The following PKIA variants were observed in gnomAD, a reference collection of about 807,000 sequenced individuals.
The protein encoded by PKIA is PKI-alpha.
PKIA carries 4 observed loss-of-function variants against 7.6 expected under a neutral mutation model. The ratio of observed to expected loss-of-function variants is 0.52; its 90% CI spans 0.26 to 1.20. The LOEUF (loss-of-function observed/expected upper bound fraction) is 1.20. Ranked by LOEUF, PKIA falls within the 50% of genes most tolerant of loss-of-function variation. The pLI is 0.13. For synonymous variants in PKIA, 21 were observed against 30.7 expected (o/e 0.68, Z 1.04); for missense variants, 73 against 86.2 (o/e 0.85, Z 0.61).
At chr8:78,577,212 C>T (rs1281278866) in intron 2 of PKIA, among the ~76,000 whole-genome samples, 3 of 151,840 alleles carry the variant, frequency 2.0e-5, no homozygotes, top group Non-Finnish European at 4.4e-5. Flanking sequence ...CCCATTAACT[C>T]GTCATTTACA....
chr8:78,550,846 T>C (rs779976020), intron 1 of PKIA, among the ~76,000 whole-genome samples: 2 of 152,022 alleles, frequency 1.3e-5, no homozygotes, highest in African/African-American at 2.4e-5. Context: ...CCAAAGTTCA[T>C]TGTATCATTC....
intron 1 of PKIA, among the ~76,000 whole-genome samples, chr8:78,547,015 C>T (rs1038034601): frequency 6.6e-6 from 1 of 152,120 alleles, no homozygotes. Context: ...GAGGATCTTA[C>T]TGTCTAGTTA....
At chr8:78,575,143 A>G (rs1450044978) in intron 2 of PKIA, among the ~76,000 whole-genome samples, 1 of 151,982 alleles carries the variant, frequency 6.6e-6, no homozygotes, top group Non-Finnish European at 1.5e-5. Context: ...ATGCAAAGTA[A>G]TGCATGCAAA....
chr8:78,562,561 C>T (rs1807310241), intron 1 of PKIA, among the ~76,000 whole-genome samples: 1 of 152,118 alleles, frequency 6.6e-6, no homozygotes, highest in South Asian at 2.1e-4. Flanking sequence ...TTTTCAAGTC[C>T]TGGGATGCAG....
intron 1 of PKIA, among the ~76,000 whole-genome samples, chr8:78,523,671 C>A (rs546262261): frequency 1.3e-5 from 2 of 151,566 alleles, no homozygotes; most frequent in Non-Finnish European, 2.9e-5. Context: ...AATGTTAAGA[C>A]CCCTTTTCCA....
At chr8:78,549,214 G>A (rs1285510878) in intron 1 of PKIA, among the ~76,000 whole-genome samples, 1 of 151,982 alleles carries the variant, frequency 6.6e-6, no homozygotes, top group East Asian at 1.9e-4. Context: ...AGCAGGAAAA[G>A]ATAAAGTCAT....
At chr8:78,600,863 T>A (rs1463367977) in intron 3 of PKIA, among the ~76,000 whole-genome samples, 1 of 152,056 alleles carries the variant, frequency 6.6e-6, no homozygotes, top group East Asian at 1.9e-4. Context: ...GAATAGGCCA[T>A]CCAACTTACC....
chr8:78,574,926 G>A (rs949263168), intron 2 of PKIA, among the ~76,000 whole-genome samples: 7 of 151,700 alleles, frequency 4.6e-5, no homozygotes, highest in African/African-American at 1.5e-4. Context: ...CCCAAAGTAG[G>A]GAGCTTCATT....
At chr8:78,539,344 A>G (rs905338136) in intron 1 of PKIA, among the ~76,000 whole-genome samples, 1 of 152,136 alleles carries the variant, frequency 6.6e-6, no homozygotes, top group African/African-American at 2.4e-5. Flanking sequence ...TGCATAAAAC[A>G]AAAAGGGAGA....
intron 1 of PKIA, among the ~76,000 whole-genome samples, chr8:78,558,858 T>C (rs529032079): frequency 6.6e-6 from 1 of 152,308 alleles, no homozygotes; most frequent in East Asian, 1.9e-4. Flanking sequence ...ATAATGCTAG[T>C]CAGCAGTTAC....
chr8:78,545,900 G>A (rs1355366521), intron 1 of PKIA, among the ~76,000 whole-genome samples: 1 of 152,130 alleles, frequency 6.6e-6, no homozygotes, highest in Non-Finnish European at 1.5e-5. Context: ...AAGCTGAATT[G>A]TCATCTTAAG....
chr8:78,573,317 G>A (rs1807598383), intron 2 of PKIA, among the ~76,000 whole-genome samples: 1 of 151,916 alleles, frequency 6.6e-6, no homozygotes, highest in South Asian at 2.1e-4. Context: ...GGGTCATGAT[G>A]GCATTTAGTT....
At chr8:78,533,190 A>G (rs898632719) in intron 1 of PKIA, among the ~76,000 whole-genome samples, 3 of 152,044 alleles carry the variant, frequency 2.0e-5, no homozygotes, top group African/African-American at 7.2e-5. Context: ...CTTCCTTTAC[A>G]CATGTCTCAG....
chr8:78,528,799 TA>T (rs796987891), intron 1 of PKIA, among the ~76,000 whole-genome samples: 109 of 145,994 alleles, frequency 7.5e-4, no homozygotes, highest in Non-Finnish European at 6.7e-4. Flanking sequence ...ACCTCGTCTA[TA>T]AAAAAAAAAA....
In PKIA at chr8:78,530,342, C is replaced by G. The variant is rs550329946; in HGVS notation, c.-157+13874C>G. Among the ~76,000 whole-genome samples the G allele has an allele frequency of 1.2e-4, 18 of 151,980 alleles. No homozygotes were observed. The East Asian group carries it at 2.9e-3, about 25-fold the overall frequency. On this transcript the variant is annotated intron_variant, in intron 1 of 3. Transcript: ENST00000396418. ...TGGCCAATCTAGTGCTGCCCTCTATCCTATAGGAACTGGTATGTTTAAGAG... is the reference window on the plus strand; with the variant it reads ...TGGCCAATCTAGTGCTGCCCTCTATGCTATAGGAACTGGTATGTTTAAGAG...
chr8:78,521,803 C>G (rs1809422060), intron 1 of PKIA, among the ~76,000 whole-genome samples: 1 of 151,868 alleles, frequency 6.6e-6, no homozygotes, highest in African/African-American at 2.4e-5. Context: ...TCACCACTAT[C>G]AGTTTTCAGA....
chr8:78,567,048 C>T (rs1315376961), intron 1 of PKIA, among the ~76,000 whole-genome samples: 1 of 151,968 alleles, frequency 6.6e-6, no homozygotes, highest in Non-Finnish European at 1.5e-5. Context: ...AGAAACACAA[C>T]CATAAAACAA....
At chr8:78,539,885 TAC>T (rs1210843717) in intron 1 of PKIA, among the ~76,000 whole-genome samples, 1 of 152,038 alleles carries the variant, frequency 6.6e-6, no homozygotes, top group African/African-American at 2.4e-5. Flanking sequence ...TATATAAACA[TAC>T]ACCTACAGTT....
At chr8:78,536,304 C>T (rs1806519729) in intron 1 of PKIA, among the ~76,000 whole-genome samples, 1 of 151,876 alleles carries the variant, frequency 6.6e-6, no homozygotes, top group Non-Finnish European at 1.5e-5. Flanking sequence ...CAATTCCAAA[C>T]AAAAATGATA....
Sources: gnomAD v4.1 joint callset for allele counts (sites outside exome capture counted in the v4.1 genomes callset) on GRCh38, gnomAD v4.1.1 for gene constraint, MANE v1.5 for transcripts, NCBI Gene and HGNC (gene_info 2026-07-23, HGNC 2026-07-21) for gene names.